The following PARP8 variants were observed in gnomAD, a reference collection of about 807,000 sequenced individuals.
PARP8 encodes the protein protein mono-ADP-ribosyltransferase PARP8.
A neutral mutation model predicts 124.1 loss-of-function variants in PARP8; 51 were observed. That is an observed-to-expected ratio of 0.41 (90% CI 0.33 to 0.52). PARP8 has a LOEUF of 0.52. Among genes scored for constraint, PARP8 ranks in the 20% least tolerant of loss-of-function variants. The probability of loss-of-function intolerance (pLI) is 0.21; values close to 1 mark genes in which losing one functional copy is unlikely to be tolerated. For missense variants in PARP8, 860 were observed against 1,018.9 expected (o/e 0.84, Z 2.12); for synonymous variants, 391 against 361.5 (o/e 1.08, Z -0.93).
At chr5:50,796,818 G>A (rs1355902698) in intron 12 of PARP8, among the ~76,000 whole-genome samples, 164 bp from the exon 13 acceptor site, 2 of 152,040 alleles carry the variant, frequency 1.3e-5, no homozygotes, top group Non-Finnish European at 2.9e-5. Flanking sequence ...TTATAATAGA[G>A]TGAATAAAAA....
chr5:50,809,007 AG>A (rs1220436526), intron 14 of PARP8, among the ~76,000 whole-genome samples: 2 of 148,620 alleles, frequency 1.3e-5, no homozygotes, highest in African/African-American at 5.0e-5. Flanking sequence ...AAAAACTTTT[AG>A]TTCAAAAACA....
intron 21 of PARP8, among the ~76,000 whole-genome samples, chr5:50,829,619 C>A (rs1030577965): frequency 2.0e-5 from 3 of 152,068 alleles, no homozygotes; most frequent in African/African-American, 7.2e-5. Context: ...ATTTTAGATC[C>A]ATTAAAATAA....
intron 2 of PARP8, chr5:50,669,087 G>T (rs1749701873): frequency 6.6e-6 from 1 of 152,114 alleles, no homozygotes; most frequent in Non-Finnish European, 1.5e-5. Context: ...AAACACGTAG[G>T]ATCTGTATTA....
intron 10 of PARP8, among the ~76,000 whole-genome samples, chr5:50,792,805 AAAGGG>A (rs1742111882): frequency 6.6e-6 from 1 of 152,144 alleles, no homozygotes; most frequent in Non-Finnish European, 1.5e-5. Context: ...TCCACTGCTA[AAAGGG>A]CCCCAAAATA....
chr5:50,742,662 T>A (rs1758167732), intron 2 of PARP8, among the ~76,000 whole-genome samples: 1 of 152,190 alleles, frequency 6.6e-6, no homozygotes, highest in Non-Finnish European at 1.5e-5. Context: ...TAAGGGGGTT[T>A]ATGAAGAATG....
chr5:50,717,208 G>C lies in PARP8; in HGVS notation c.147-32943G>C, dbSNP rs562129049. Among the ~76,000 whole-genome samples, 171 of 152,070 alleles carry C rather than the reference G, an allele frequency of 1.1e-3. 1 individual carries two copies. Among genetic ancestry groups the C allele is most frequent in the African/African-American group, 4.0e-3 (166 of 41,486 alleles). The stretch of plus-strand genomic sequence containing the variant: ...TTGGAAAAACGAAGTTAACAGTCTT[G>C]GGGGAGGCTATTAGAGGAGTCCAGG... On this transcript the variant is annotated intron_variant, in intron 2 of 25. Coordinates refer to ENST00000281631, the MANE Select transcript of PARP8 (RefSeq NM_024615.4).
chr5:50,787,809 C>T (rs911802609), intron 9 of PARP8, among the ~76,000 whole-genome samples: 8 of 149,894 alleles, frequency 5.3e-5, no homozygotes, highest in East Asian at 1.9e-4. Flanking sequence ...ATTTAGTTAC[C>T]GATTTAAACA....
intron 25 of PARP8, among the ~76,000 whole-genome samples, chr5:50,837,897 G>A (rs552846198): frequency 1.3e-5 from 2 of 152,120 alleles, no homozygotes; most frequent in Admixed American, 1.3e-4. Flanking sequence ...AAATGTAATA[G>A]ATCAGATGTT....
At chr5:50,777,125 G>A (rs1024824207) in intron 7 of PARP8, among the ~76,000 whole-genome samples, 5 of 152,170 alleles carry the variant, frequency 3.3e-5, no homozygotes, top group African/African-American at 1.2e-4. Flanking sequence ...TCAAGTCTCA[G>A]CTCTGCTATA....
At chr5:50,712,358 C>T (rs1754848870) in intron 2 of PARP8, among the ~76,000 whole-genome samples, 1 of 152,066 alleles carries the variant, frequency 6.6e-6, no homozygotes, top group African/African-American at 2.4e-5. Context: ...TATAATACAA[C>T]AAAATGAATT....
intron 21 of PARP8, among the ~76,000 whole-genome samples, 199 bp downstream of exon 21, chr5:50,828,583 G>A (rs1313641755): frequency 6.6e-6 from 1 of 151,876 alleles, no homozygotes; most frequent in Non-Finnish European, 1.5e-5. Flanking sequence ...ATCACACAAT[G>A]AAAAGAAAAA....
chr5:50,794,174 A>T (rs1411214269), intron 10 of PARP8, 33 bp from the exon 11 acceptor site: 5 of 1,589,448 alleles, frequency 3.1e-6, no homozygotes, highest in Non-Finnish European at 4.3e-6. Flanking sequence ...TTGCCTTGGA[A>T]TGGTGATAAC....
chr5:50,736,871 C>T (rs749023888), intron 2 of PARP8, among the ~76,000 whole-genome samples: 1 of 152,048 alleles, frequency 6.6e-6, no homozygotes, highest in Non-Finnish European at 1.5e-5. Flanking sequence ...ATTCATTAAC[C>T]ATGTAGGCTT....
At chr5:50,834,562 T>C (rs1294072267) in intron 24 of PARP8, among the ~76,000 whole-genome samples, 1 of 152,206 alleles carries the variant, frequency 6.6e-6, no homozygotes, top group Non-Finnish European at 1.5e-5. Flanking sequence ...TCATTTTTTC[T>C]TCTTGTGTTA....
chr5:50,810,174 C>T (rs986239981), intron 14 of PARP8, among the ~76,000 whole-genome samples: 4 of 151,742 alleles, frequency 2.6e-5, no homozygotes, highest in East Asian at 3.9e-4. Flanking sequence ...CAAATATGTA[C>T]GTGTTGATAA....
At chr5:50,790,102 G>GA (rs1218857344) in intron 10 of PARP8, among the ~76,000 whole-genome samples, 26 of 152,038 alleles carry the variant, frequency 1.7e-4, no homozygotes, top group Admixed American at 1.6e-3. Flanking sequence ...CATTTGAAAG[G>GA]AAAAAACATT....
intron 2 of PARP8, among the ~76,000 whole-genome samples, chr5:50,735,956 T>C (rs1580144510): frequency 7.4e-6 from 1 of 134,398 alleles, no homozygotes; most frequent in Non-Finnish European, 1.6e-5. Context: ...TCTAGGGGAT[T>C]CCCCCCCCCC....
At position 50,842,658 on chromosome 5, in the gene PARP8, T is replaced by G. The variant is rs1748295077; in HGVS notation, c.*590T>G. Reference sequence around the variant, plus strand: ...ACATTCATGCATCAAAATGTGTGGTTGTGAATATATTTGTGTATATTCACA... The same window carrying G: ...ACATTCATGCATCAAAATGTGTGGTGGTGAATATATTTGTGTATATTCACA... On this transcript the variant is annotated 3_prime_UTR_variant, in exon 26 of 26. Transcript: ENST00000281631. The G allele has an allele frequency of 6.6e-6, 1 of 151,766 alleles. No individual in the cohort carries two copies. The highest frequency in any genetic ancestry group is 1.5e-5 in the Non-Finnish European group (1 of 67,780). 9.4% of individuals were successfully genotyped at this position (151,766 alleles called of 1,614,324 possible). A position where few individuals can be genotyped will look rare whatever the true frequency, so the allele number is the denominator to read the frequency against.
At chr5:50,796,754 G>A (rs1742596037) in intron 12 of PARP8, among the ~76,000 whole-genome samples, 1 of 152,146 alleles carries the variant, frequency 6.6e-6, no homozygotes, top group Non-Finnish European at 1.5e-5. Context: ...GCAGCTAAGA[G>A]TGCTGTTCAT....
Sources: allele counts gnomAD v4.1 joint callset (sites outside exome capture counted in the v4.1 genomes callset), GRCh38; gene constraint gnomAD v4.1.1; transcripts MANE v1.5; gene names NCBI Gene and HGNC (gene_info 2026-07-23, HGNC 2026-07-21).